Variants in RUNX1 observed in about 807,000 individuals in gnomAD.
RUNX1 encodes the protein runt-related transcription factor 1.
Under a neutral mutation model 42.8 loss-of-function variants are expected in RUNX1, and 19 were observed. That is an observed-to-expected ratio of 0.44 (90% confidence interval 0.31 to 0.65). The LOEUF is 0.65. Ranked by LOEUF, RUNX1 falls within the 30% of genes least tolerant of loss-of-function variation. The pLI is 0.07. For synonymous variants in RUNX1, 271 were observed against 289.4 expected (o/e 0.94, Z 0.64); for missense variants, 528 against 672.0 (o/e 0.79, Z 2.37).
chr21:34,857,155 G>A (rs767551920), intron 6 of RUNX1, among the ~76,000 whole-genome samples: 3 of 152,228 alleles, frequency 2.0e-5, no homozygotes, highest in Non-Finnish European at 2.9e-5. Flanking sequence ...CTTATTCCAC[G>A]CATTTAGTTT....
At chr21:34,885,755 T>C (rs920628674) in intron 4 of RUNX1, among the ~76,000 whole-genome samples, 2 of 152,372 alleles carry the variant, frequency 1.3e-5, no homozygotes, top group African/African-American at 4.8e-5. Flanking sequence ...TTTAAACTTT[T>C]TTTTTAGTAG....
At chr21:35,034,790 T>C (rs2059296036) in intron 2 of RUNX1, among the ~76,000 whole-genome samples, 1 of 152,242 alleles carries the variant, frequency 6.6e-6, no homozygotes, top group Non-Finnish European at 1.5e-5. Flanking sequence ...GCCTCCATGA[T>C]GCCTTTCACC....
At chr21:34,966,460 C>A (rs1400621227) in intron 2 of RUNX1, among the ~76,000 whole-genome samples, 2 of 152,170 alleles carry the variant, frequency 1.3e-5, no homozygotes, top group African/African-American at 4.8e-5. Context: ...CCTAAAGCCA[C>A]ATGGCCAATG....
At chr21:35,029,224 A>G (rs550818844) in intron 2 of RUNX1, among the ~76,000 whole-genome samples, 32 of 152,284 alleles carry the variant, frequency 2.1e-4, no homozygotes, top group African/African-American at 7.7e-4. Flanking sequence ...AGGAAATTTC[A>G]AGTGTATTAC....
At chr21:34,894,378 A>G in intron 2 of RUNX1, among the ~76,000 whole-genome samples, 1 of 152,204 alleles carries the variant, frequency 6.6e-6, no homozygotes, top group East Asian at 1.9e-4. Flanking sequence ...ACCCAAAAAC[A>G]AGGGCAAAAA....
chr21:34,985,864 A>G (rs1200269544), intron 2 of RUNX1, among the ~76,000 whole-genome samples: 2 of 134,194 alleles, frequency 1.5e-5, no homozygotes, highest in African/African-American at 5.5e-5. Context: ...AACTCTGACC[A>G]GACTTTTTTT....
intron 2 of RUNX1, among the ~76,000 whole-genome samples, chr21:35,030,147 T>C (rs1224993951): frequency 6.6e-6 from 1 of 152,094 alleles, no homozygotes; most frequent in African/African-American, 2.4e-5. Context: ...ATCGAGACTA[T>C]CCTGGCTAAC....
chr21:35,004,892 A>G (rs2059072820), intron 2 of RUNX1, among the ~76,000 whole-genome samples: 1 of 152,164 alleles, frequency 6.6e-6, no homozygotes, highest in Non-Finnish European at 1.5e-5. Flanking sequence ...TGTGGTGCCC[A>G]TGTTTCAAAT....
intron 7 of RUNX1, among the ~76,000 whole-genome samples, chr21:34,820,868 G>A (rs949624250): frequency 2.0e-5 from 3 of 152,100 alleles, no homozygotes; most frequent in Non-Finnish European, 2.9e-5. Flanking sequence ...AGGCAGACCC[G>A]AACCAGCCAA....
chr21:34,834,043 G>A (rs936580751), intron 7 of RUNX1: 1 of 427,684 alleles, frequency 2.3e-6, no homozygotes, highest in Non-Finnish European at 4.5e-6. Context: ...GTGTCTGCGT[G>A]TGTGTCTTCA....
At chr21:34,849,257 T>TATATATATAAA (rs1569051374) in intron 6 of RUNX1, among the ~76,000 whole-genome samples, 12 of 74,368 alleles carry the variant, frequency 1.6e-4, no homozygotes, top group Non-Finnish European at 2.5e-4. Context: ...TGGGTACATA[T>TATATATATAAA]ATATATATAT....
chr21:34,920,597 G>T (rs546340853), intron 2 of RUNX1, among the ~76,000 whole-genome samples: 10 of 152,284 alleles, frequency 6.6e-5, no homozygotes, highest in Admixed American at 1.3e-4. Flanking sequence ...TAAACTTTTA[G>T]ATTGTTAAGG....
At chr21:34,894,104 AAAT>A (rs2058109782) in intron 2 of RUNX1, among the ~76,000 whole-genome samples, 1 of 152,212 alleles carries the variant, frequency 6.6e-6, no homozygotes, top group Non-Finnish European at 1.5e-5. Flanking sequence ...ATAAGGTAAG[AAAT>A]AATAAATGTA....
intron 2 of RUNX1, among the ~76,000 whole-genome samples, chr21:34,918,397 A>T (rs1323064211): frequency 2.0e-5 from 3 of 152,178 alleles, no homozygotes; most frequent in African/African-American, 7.2e-5. Context: ...CCAGATTAAC[A>T]CTGGTACCCA....
intron 2 of RUNX1, 102 bp downstream of exon 2, chr21:35,048,740 G>C: frequency 1.1e-6 from 1 of 944,396 alleles, no homozygotes; most frequent in Non-Finnish European, 1.8e-6. Flanking sequence ...ACAGGGAACT[G>C]GCAGGCACCG....
At chr21:34,855,985 A>G (rs1054250627) in intron 6 of RUNX1, among the ~76,000 whole-genome samples, 9 of 152,194 alleles carry the variant, frequency 5.9e-5, no homozygotes, top group African/African-American at 2.2e-4. Flanking sequence ...TTAAAATCCT[A>G]TGGAATATGA....
At chr21:34,965,396 T>A (rs1174836603) in intron 2 of RUNX1, among the ~76,000 whole-genome samples, 1 of 152,116 alleles carries the variant, frequency 6.6e-6, no homozygotes, top group Non-Finnish European at 1.5e-5. Context: ...CAGCCTCGGG[T>A]TTAGTCTCTT....
intron 7 of RUNX1, among the ~76,000 whole-genome samples, chr21:34,804,451 T>G (rs1022139994): frequency 1.4e-4 from 21 of 152,120 alleles, no homozygotes; most frequent in African/African-American, 5.1e-4. Flanking sequence ...CTGAAAACAT[T>G]AAATACAGCC....
intron 2 of RUNX1, among the ~76,000 whole-genome samples, chr21:34,993,356 A>G (rs1439590666): frequency 6.6e-6 from 1 of 152,218 alleles, no homozygotes; most frequent in African/African-American, 2.4e-5. Flanking sequence ...CAGAGAAAAA[A>G]GCAGTTCTAG....
Sources: allele counts gnomAD v4.1 joint callset (sites outside exome capture counted in the v4.1 genomes callset), GRCh38; gene constraint gnomAD v4.1.1; transcripts MANE v1.5; gene names NCBI Gene and HGNC (gene_info 2026-07-23, HGNC 2026-07-21).